GLI3: variants seen among roughly 807,000 people sequenced by gnomAD.
GLI3 encodes the protein GLI family zinc finger 3, also known as transcription activator GLI3.
In GLI3, 20 loss-of-function variants were observed where a neutral mutation model predicts 100.8. The observed-to-expected ratio is 0.20, with a 90% CI of 0.14 to 0.29. The LOEUF is 0.29. Among genes scored for constraint, GLI3 ranks in the 10% least tolerant of loss-of-function variants. GLI3 has a pLI of 1.00. For synonymous variants in GLI3, 938 were observed against 860.5 expected (o/e 1.09, Z -1.58); for missense variants, 2,040 against 2,128.5 (o/e 0.96, Z 0.82).
chr7:41,968,063 T>G, intron 13 of GLI3, 140 bp from the exon 14 acceptor site: 1 of 791,072 alleles, frequency 1.3e-6, no homozygotes, highest in South Asian at 1.4e-5. Context: ...TTCTGGTGAA[T>G]GGAGCTGGCC....
intron 3 of GLI3, chr7:42,145,686 G>A (rs1185460293): frequency 2.5e-6 from 1 of 397,680 alleles, no homozygotes; most frequent in Non-Finnish European, 4.4e-6. Context: ...ACATGACTTA[G>A]AGAGTCAACT....
chr7:41,995,100 AG>A (rs1788087349), intron 10 of GLI3, among the ~76,000 whole-genome samples: 1 of 152,232 alleles, frequency 6.6e-6, no homozygotes, highest in African/African-American at 2.4e-5. Flanking sequence ...GTGTCCTGTT[AG>A]TTATTTTATC....
chr7:42,261,415 C>G (rs1002810479), intron 1 of GLI3, among the ~76,000 whole-genome samples: 5 of 146,106 alleles, frequency 3.4e-5, no homozygotes, highest in African/African-American at 1.2e-4. Flanking sequence ...TGGGCAGGCT[C>G]AAATATCCAA....
chr7:42,257,503 C>G (rs1183266176), intron 1 of GLI3, among the ~76,000 whole-genome samples: 1 of 152,100 alleles, frequency 6.6e-6, no homozygotes, highest in African/African-American at 2.4e-5. Flanking sequence ...CGCCACCACA[C>G]GTGGCTAATT....
chr7:42,189,792 G>A (rs1007753467), intron 2 of GLI3, among the ~76,000 whole-genome samples: 72 of 152,258 alleles, frequency 4.7e-4, no homozygotes, highest in African/African-American at 1.6e-3. Context: ...CCTCTCTGCT[G>A]ATTATTAACA....
chr7:42,012,418 T>C (rs1302822325), intron 10 of GLI3, among the ~76,000 whole-genome samples: 4 of 152,132 alleles, frequency 2.6e-5, no homozygotes, highest in Non-Finnish European at 5.9e-5. Context: ...TAACATTTCA[T>C]GTAATGCAGA....
intron 1 of GLI3, among the ~76,000 whole-genome samples, chr7:42,259,389 A>G (rs981795238): frequency 6.6e-6 from 1 of 152,200 alleles, no homozygotes; most frequent in Non-Finnish European, 1.5e-5. Flanking sequence ...GTGGCATTTT[A>G]TAGAGAAGTG....
At chr7:42,047,359 C>T in intron 5 of GLI3, among the ~76,000 whole-genome samples, 1 of 152,180 alleles carries the variant, frequency 6.6e-6, no homozygotes. Flanking sequence ...GCACACCCAG[C>T]CTCAGGAAGG....
intron 3 of GLI3, among the ~76,000 whole-genome samples, chr7:42,133,132 T>C (rs1019408722): frequency 6.6e-6 from 1 of 152,154 alleles, no homozygotes; most frequent in Non-Finnish European, 1.5e-5. Context: ...ATTTGTTTAA[T>C]AAAAGTAAAA....
chr7:42,203,403 C>T (rs776153898), intron 2 of GLI3, among the ~76,000 whole-genome samples: 1 of 152,136 alleles, frequency 6.6e-6, no homozygotes, highest in East Asian at 1.9e-4. Context: ...CCCCAAGTGC[C>T]CCATCCTCTG....
rs759523569 is a variant in GLI3 at position 42,030,333 on chromosome 7, G to A, written c.1029-3921C>T. Reference sequence around the variant, plus strand: ...TAGCTTAATCACACCTGCAAAAGTCGTTCTGGCATGGAAGGTAACCTATTC... The same window carrying A: ...TAGCTTAATCACACCTGCAAAAGTCATTCTGGCATGGAAGGTAACCTATTC... On this transcript the variant is annotated intron_variant, in intron 7 of 14. Transcript: ENST00000395925. Among the ~76,000 whole-genome samples, 17 of 152,154 alleles carry A rather than the reference G, an allele frequency of 1.1e-4. No homozygotes were observed. The East Asian group carries it at 2.3e-3, about 21-fold the overall frequency.
chr7:41,993,392 G>A (rs559215308), intron 10 of GLI3, among the ~76,000 whole-genome samples: 8 of 152,146 alleles, frequency 5.3e-5, no homozygotes, highest in African/African-American at 1.7e-4. Flanking sequence ...GAGACTCATC[G>A]CCCCGCTCGA....
chr7:42,085,164 T>C (rs1785077851), intron 3 of GLI3, among the ~76,000 whole-genome samples: 2 of 152,054 alleles, frequency 1.3e-5, no homozygotes, highest in African/African-American at 4.8e-5. Context: ...GAAGAGGAAA[T>C]GTTTCCATAA....
chr7:42,242,247 T>G (rs1311814463), upstream of GLI3, among the ~76,000 whole-genome samples: 2 of 152,218 alleles, frequency 1.3e-5, no homozygotes, highest in Non-Finnish European at 2.9e-5. Flanking sequence ...CCAGTAAATT[T>G]TGCATGCCTT....
At chr7:42,062,227 A>G (rs954757933) in intron 4 of GLI3, among the ~76,000 whole-genome samples, 10 of 152,184 alleles carry the variant, frequency 6.6e-5, no homozygotes, top group African/African-American at 2.4e-4. Flanking sequence ...AGTGCTTTCT[A>G]TGATTCAAAC....
chr7:42,119,615 T>C (rs1377361154), intron 3 of GLI3, among the ~76,000 whole-genome samples: 4 of 152,176 alleles, frequency 2.6e-5, no homozygotes, highest in Non-Finnish European at 4.4e-5. Flanking sequence ...GATAGAGAAC[T>C]GACACAAAGT....
chr7:42,157,278 G>C (rs1208782879), intron 2 of GLI3, among the ~76,000 whole-genome samples: 1 of 152,212 alleles, frequency 6.6e-6, no homozygotes, highest in Admixed American at 6.5e-5. Context: ...ACCACCTTTT[G>C]ATTCTTCACA....
intron 10 of GLI3, among the ~76,000 whole-genome samples, chr7:42,005,211 G>T (rs534468558): frequency 2.0e-5 from 3 of 151,928 alleles, no homozygotes; most frequent in Non-Finnish European, 4.4e-5. Flanking sequence ...AGGAATTATG[G>T]ATTTGGGCTT....
intron 10 of GLI3, among the ~76,000 whole-genome samples, chr7:41,984,780 A>G (rs1037127463): frequency 2.0e-5 from 3 of 152,276 alleles, no homozygotes; most frequent in Admixed American, 1.3e-4. Context: ...TCTTTCTGTC[A>G]GTATCTAATG....
Sources: gnomAD v4.1 joint callset for allele counts (sites outside exome capture counted in the v4.1 genomes callset) on GRCh38, gnomAD v4.1.1 for gene constraint, MANE v1.5 for transcripts, NCBI Gene and HGNC (gene_info 2026-07-23, HGNC 2026-07-21) for gene names.